Variants in TMEM223 observed in about 807,000 individuals in gnomAD.
The protein encoded by TMEM223 is transmembrane protein 223.
TMEM223 carries 14 observed loss-of-function variants against 14.1 expected under a neutral mutation model. The ratio of observed to expected loss-of-function variants is 0.99; its 90% CI spans 0.66 to 1.55. The LOEUF is 1.55. Among genes scored for constraint, TMEM223 ranks in the 40% most tolerant of loss-of-function variants. The pLI is 0.00. For synonymous variants in TMEM223, 145 were observed against 120.5 expected (o/e 1.20, Z -1.33); for missense variants, 346 against 269.9 (o/e 1.28, Z -1.97).
chr11:62,791,055 C>A, intron 1 of TMEM223, 140 bp from the exon 2 acceptor site: 1 of 869,204 alleles, frequency 1.2e-6, no homozygotes. Flanking sequence ...CTGAGTCTCA[C>A]TCTGCCGGCC....
chr11:62,791,443 GAC>G (rs138663947), intron 1 of TMEM223, among the ~76,000 whole-genome samples: 3,692 of 152,236 alleles, frequency 0.024, 135 homozygotes, highest in African/African-American at 0.085. Flanking sequence ...ATTTTTAGTA[GAC>G]ACAGGGTTTG....
At chr11:62,771,221 C>A (rs1370854716), downstream of TMEM223, 1 of 152,246 alleles carries the variant, frequency 6.6e-6, no homozygotes, top group Non-Finnish European at 1.5e-5. Flanking sequence ...TACTCGCAAA[C>A]GTAGCAAGAG....
At chr11:62,777,890 C>T in intron 1 of TMEM223, 2 of 1,482,260 alleles carry the variant, frequency 1.3e-6, no homozygotes, top group Non-Finnish European at 1.8e-6. Flanking sequence ...CGTGGGCTCT[C>T]TGCTCTGGTC....
Position 62,790,646 on chromosome 11 carries a change from C to T in TMEM223, c.586G>A (p.Val196Met), listed in dbSNP as rs1221154615. 1 of 1,610,832 alleles carries T rather than the reference C, an allele frequency of 6.2e-7. No homozygotes were observed. The highest frequency in any genetic ancestry group is 1.3e-5 in the African/African-American group (1 of 74,998). The change falls in exon 2 of 2, where the codon GTG becomes ATG. Residue 196 changes from valine (V) to methionine (M), a missense_variant. Transcript: ENST00000307366. ...FPNTKLFDNTVGAYRSL is the reference protein window; with the variant it reads ...FPNTKLFDNTMGAYRSL ...CTTCACAAGCTCCGGTAGGCACCCA[C>T]AGTATTGTCAAAGAGTTTTGTGTTA...
downstream of TMEM223, chr11:62,787,481 C>A: frequency 6.3e-7 from 1 of 1,579,052 alleles, no homozygotes; most frequent in South Asian, 1.1e-5. Flanking sequence ...TTTGCTGCCG[C>A]CTTCCTGTGC....
chr11:62,777,157 A>C (rs964518004), intron 1 of TMEM223, among the ~76,000 whole-genome samples: 10 of 151,336 alleles, frequency 6.6e-5, no homozygotes, highest in Middle Eastern at 3.4e-3. Context: ...AAAAAAAAAA[A>C]CAACCAAAAA....
intron 1 of TMEM223, among the ~76,000 whole-genome samples, chr11:62,777,340 GAAA>G (rs1248503640): frequency 6.6e-6 from 1 of 151,948 alleles, no homozygotes; most frequent in Non-Finnish European, 1.5e-5. Context: ...ACAAAAAAAA[GAAA>G]AAAAGACTAA....
chr11:62,790,153 T>TG lies in TMEM223; in HGVS notation c.*469dup. 2.1e-6 allele frequency: 1 copy of TG among 482,488 alleles called. No homozygotes were observed. The highest frequency in any genetic ancestry group is 3.3e-6 in the Non-Finnish European group (1 of 305,346). 29.9% of individuals were successfully genotyped at this position (482,488 alleles called of 1,614,324 possible). On this transcript the variant is annotated 3_prime_UTR_variant, in exon 2 of 2. Transcript: ENST00000307366. Reference sequence around the variant, plus strand: ...TTGGGAGTCTTAGTTTTCCTTTCGTTGGGGGGTGGGGGGGAAACATAATGA... The same window carrying TG: ...TTGGGAGTCTTAGTTTTCCTTTCGTTGGGGGGGTGGGGGGGAAACATAATGA...
At chr11:62,787,897 T>C (rs2084307422), downstream of TMEM223, 1 of 538,388 alleles carries the variant, frequency 1.9e-6, no homozygotes, top group African/African-American at 1.9e-5. Flanking sequence ...TGTCGAGAAA[T>C]AAAGCATAGT....
chr11:62,790,130 G>C lies in TMEM223; in HGVS notation c.*493C>G. The C allele has an allele frequency of 7.0e-7, 1 of 1,432,936 alleles. No homozygotes were observed. The highest frequency in any genetic ancestry group is 1.5e-5 in the South Asian group (1 of 68,378). The allele number at this position is 1,432,936 out of a possible 1,614,324, so 88.8% of individuals were successfully genotyped here. A position where few individuals can be genotyped will look rare whatever the true frequency, so the allele number is the denominator to read the frequency against. On this transcript the variant is annotated 3_prime_UTR_variant, in exon 2 of 2. Transcript: ENST00000307366. ...CCCCCCTCAAGGCCCTGTTTATGTTGGGAGTCTTAGTTTTCCTTTCGTTGG... is the reference window on the plus strand; with the variant it reads ...CCCCCCTCAAGGCCCTGTTTATGTTCGGAGTCTTAGTTTTCCTTTCGTTGG...
intron 1 of TMEM223, among the ~76,000 whole-genome samples, chr11:62,791,235 C>T (rs481272): frequency 0.021 from 3,209 of 152,008 alleles, 115 homozygotes; most frequent in African/African-American, 0.073. Context: ...TGACAGGGCA[C>T]GGCGCTCGGA....
At chr11:62,778,680 A>T in intron 1 of TMEM223, 1 of 625,106 alleles carries the variant, frequency 1.6e-6, no homozygotes, top group East Asian at 2.7e-5. Context: ...AGGACAGAGC[A>T]CAGAGGTGTG....
downstream of TMEM223, chr11:62,787,341 A>G: frequency 6.6e-7 from 1 of 1,525,824 alleles, no homozygotes; most frequent in Non-Finnish European, 8.7e-7. Context: ...CGCCCCCGGA[A>G]ATGACGTCTC....
rs185807958 is a variant in TMEM223 at position 62,790,729 on chromosome 11, G to T, written c.503C>A (p.Pro168His). ...AHRGEVPAML[P>H]LKVKGRRFYF... Reference sequence around the variant, plus strand: ...GAAGCGTCGGCCTTTGACTTTCAGAGGTAGCATGGCAGGGACTTCACCCCG... The same window carrying T: ...GAAGCGTCGGCCTTTGACTTTCAGATGTAGCATGGCAGGGACTTCACCCCG... The change falls in exon 2 of 2, where the codon CCT (proline) becomes CAT (histidine). Residue 168 changes from proline to histidine, a missense_variant. By Grantham distance (77) the Pro-to-His change is moderately conservative (BLOSUM62 -2). Transcript: ENST00000307366. 7.4e-6 allele frequency: 12 copies of T among 1,611,366 alleles called. 1 individual carries two copies. In the East Asian group the frequency reaches 2.7e-4, roughly 36 times the overall value.
At chr11:62,774,177 C>T (rs960744458) in intron 2 of TMEM223, among the ~76,000 whole-genome samples, 4 of 151,716 alleles carry the variant, frequency 2.6e-5, no homozygotes, top group South Asian at 2.1e-4. Flanking sequence ...CCTGGGTTCA[C>T]GCCATTCTCC....
chr11:62,789,080 CT>C, downstream of TMEM223: 1 of 1,614,234 alleles, frequency 6.2e-7, no homozygotes, highest in Non-Finnish European at 8.5e-7. Flanking sequence ...TGGCTCCTCC[CT>C]GGCCTTATCC....
downstream of TMEM223, chr11:62,788,926 T>C: frequency 7.5e-7 from 1 of 1,333,402 alleles, no homozygotes; most frequent in Non-Finnish European, 1.0e-6. Context: ...CTTCCTGGAA[T>C]GCAGGACCAT....
At chr11:62,785,329 T>C (rs999062797), downstream of TMEM223, among the ~76,000 whole-genome samples, 1 of 151,640 alleles carries the variant, frequency 6.6e-6, no homozygotes, top group African/African-American at 2.4e-5. Context: ...GTAGCTGGGA[T>C]TACAGGCGCT....
chr11:62,786,215 T>C, downstream of TMEM223: 3 of 1,582,158 alleles, frequency 1.9e-6, no homozygotes, highest in Non-Finnish European at 1.7e-6. Flanking sequence ...TGAGAGGGAA[T>C]AAGTATCAAA....
Sources: allele counts gnomAD v4.1 joint callset (sites outside exome capture counted in the v4.1 genomes callset), GRCh38; gene constraint gnomAD v4.1.1; transcripts MANE v1.5; gene names NCBI Gene and HGNC (gene_info 2026-07-23, HGNC 2026-07-21).